FGGY: variants seen among roughly 807,000 people sequenced by gnomAD.
The protein encoded by FGGY is FGGY carbohydrate kinase domain containing.
Under a neutral mutation model 71.3 loss-of-function variants are expected in FGGY, and 72 were observed. The ratio of observed to expected loss-of-function variants is 1.01; its 90% CI spans 0.84 to 1.23. The LOEUF is 1.23. Ranked by LOEUF, FGGY falls within the 50% of genes most tolerant of loss-of-function variation. The pLI is 0.00. For missense variants in FGGY, 668 were observed against 682.3 expected (o/e 0.98, Z 0.23); for synonymous variants, 251 against 250.3 (o/e 1.00, Z -0.02).
chr1:59,385,099 A>G (rs1236121911), intron 5 of FGGY, among the ~76,000 whole-genome samples: 1 of 152,092 alleles, frequency 6.6e-6, no homozygotes, highest in Non-Finnish European at 1.5e-5. Context: ...AAAGCTTTCA[A>G]ACTTGTTTTT....
intron 7 of FGGY, among the ~76,000 whole-genome samples, chr1:59,520,337 G>A (rs907873186): frequency 1.3e-5 from 2 of 152,162 alleles, no homozygotes; most frequent in African/African-American, 4.8e-5. Flanking sequence ...GGACAGGATG[G>A]TTTCTAGCTC....
chr1:59,346,427 C>G (rs202088933), intron 4 of FGGY, 29 bp downstream of exon 4: 2 of 1,608,530 alleles, frequency 1.2e-6, no homozygotes, highest in South Asian at 2.2e-5. Flanking sequence ...AGAGAAGATA[C>G]CAACAATAGT....
intron 14 of FGGY, among the ~76,000 whole-genome samples, chr1:59,680,269 A>G (rs1478652218): frequency 1.3e-5 from 2 of 151,990 alleles, no homozygotes; most frequent in Non-Finnish European, 2.9e-5. Context: ...AATTAAATAG[A>G]TTCAGATTAC....
intron 12 of FGGY, among the ~76,000 whole-genome samples, chr1:59,661,295 CAT>C (rs2097271682): frequency 6.6e-6 from 1 of 152,058 alleles, no homozygotes; most frequent in Non-Finnish European, 1.5e-5. Flanking sequence ...GTCCATGCAC[CAT>C]GTATGTGCAA....
chr1:59,722,847 A>G (rs1231419346), intron 14 of FGGY, among the ~76,000 whole-genome samples: 1 of 152,132 alleles, frequency 6.6e-6, no homozygotes, highest in Non-Finnish European at 1.5e-5. Flanking sequence ...CCCAGGCTAG[A>G]GTGCAGTGGC....
chr1:59,572,089 GT>G (rs2095996513), intron 8 of FGGY, among the ~76,000 whole-genome samples: 1 of 152,082 alleles, frequency 6.6e-6, no homozygotes, highest in Non-Finnish European at 1.5e-5. Context: ...GTACTTAACA[GT>G]TTTTTTAATG....
intron 8 of FGGY, among the ~76,000 whole-genome samples, chr1:59,570,735 C>A (rs564691116): frequency 6.6e-6 from 1 of 152,264 alleles, no homozygotes; most frequent in East Asian, 1.9e-4. Flanking sequence ...TACTTCCGAA[C>A]CCACAGTGCC....
intron 7 of FGGY, among the ~76,000 whole-genome samples, chr1:59,539,002 A>G (rs2095393570): frequency 6.6e-6 from 1 of 152,162 alleles, no homozygotes; most frequent in South Asian, 2.1e-4. Flanking sequence ...TAATAATAAT[A>G]AAATAAATAA....
chr1:59,554,055 GT>G, intron 7 of FGGY, 68 bp from the exon 8 acceptor site: 2 of 1,250,286 alleles, frequency 1.6e-6, no homozygotes, highest in South Asian at 2.7e-5. Flanking sequence ...GTTAATGCTT[GT>G]TTTTAGCTTT....
At chr1:59,592,768 C>T (rs1044559932) in intron 8 of FGGY, among the ~76,000 whole-genome samples, 1 of 140,074 alleles carries the variant, frequency 7.1e-6, no homozygotes, top group African/African-American at 2.9e-5. Flanking sequence ...GGGAACATCA[C>T]ACTCTGGGGA....
At chr1:59,465,631 C>CT (rs2092572910) in intron 6 of FGGY, among the ~76,000 whole-genome samples, 1 of 152,134 alleles carries the variant, frequency 6.6e-6, no homozygotes, top group South Asian at 2.1e-4. Flanking sequence ...CCAAAATCTC[C>CT]TCAGCTAATA....
At chr1:59,365,640 G>A (rs567198408) in intron 4 of FGGY, among the ~76,000 whole-genome samples, 14 of 152,308 alleles carry the variant, frequency 9.2e-5, no homozygotes, top group South Asian at 4.1e-4. Flanking sequence ...CCATTTACCC[G>A]TTGTGTGGGA....
intron 4 of FGGY, among the ~76,000 whole-genome samples, chr1:59,351,824 C>T (rs542958605): frequency 6.6e-6 from 1 of 152,092 alleles, no homozygotes; most frequent in Admixed American, 6.5e-5. Context: ...CCACTCACTT[C>T]GTTATTGCTG....
intron 5 of FGGY, among the ~76,000 whole-genome samples, chr1:59,395,154 T>G (rs942133505): frequency 6.6e-6 from 1 of 152,140 alleles, no homozygotes; most frequent in African/African-American, 2.4e-5. Flanking sequence ...ACATACATTT[T>G]TCTTCTAACA....
chr1:59,303,672 T>C (rs1387236914), intron 1 of FGGY, among the ~76,000 whole-genome samples: 1 of 152,172 alleles, frequency 6.6e-6, no homozygotes, highest in Admixed American at 6.5e-5. Flanking sequence ...TTGAGGAACT[T>C]CTGTACTGTT....
intron 10 of FGGY, among the ~76,000 whole-genome samples, chr1:59,631,408 A>T (rs2096907413): frequency 6.6e-6 from 1 of 152,118 alleles, no homozygotes; most frequent in Non-Finnish European, 1.5e-5. Context: ...GTTTCCTTCC[A>T]CTTTTCTTTT....
chr1:59,552,788 G>T (rs1260190769), intron 7 of FGGY, among the ~76,000 whole-genome samples: 1 of 152,150 alleles, frequency 6.6e-6, no homozygotes, highest in Non-Finnish European at 1.5e-5. Flanking sequence ...TGTGAGCAGG[G>T]ACTTGTCTTC....
At chr1:59,440,114 G>A (rs950882817) in intron 5 of FGGY, among the ~76,000 whole-genome samples, 168 of 131,578 alleles carry the variant, frequency 1.3e-3, no homozygotes, top group Non-Finnish European at 2.2e-3. Context: ...AAAAAAAAAC[G>A]GAAATGATAC....
chr1:59,702,470 A>G (rs993409288), intron 14 of FGGY, among the ~76,000 whole-genome samples: 4 of 152,172 alleles, frequency 2.6e-5, no homozygotes, highest in Non-Finnish European at 5.9e-5. Context: ...ATGGAACTGC[A>G]TATAGCTGAT....
Sources: gnomAD v4.1 joint callset for allele counts (sites outside exome capture counted in the v4.1 genomes callset) on GRCh38, gnomAD v4.1.1 for gene constraint, MANE v1.5 for transcripts, NCBI Gene and HGNC (gene_info 2026-07-23, HGNC 2026-07-21) for gene names.